Variants in GMCL1 observed in about 807,000 individuals in gnomAD.
GMCL1 encodes the protein germ cell-less 1, spermatogenesis associated, also known as germ cell-less protein-like 1.
In GMCL1, 54 loss-of-function variants were observed where a neutral mutation model predicts 75.5. The ratio of observed to expected loss-of-function variants is 0.71; its 90% CI spans 0.57 to 0.90. The LOEUF (loss-of-function observed/expected upper bound fraction) is 0.90, where lower values mean the gene tolerates loss of function less well. Among genes scored for constraint, GMCL1 ranks in the 40% least tolerant of loss-of-function variants. The pLI, the probability that GMCL1 is intolerant of heterozygous loss-of-function variation, is 0.00. For synonymous variants in GMCL1, 210 were observed against 209.6 expected, an observed-to-expected ratio of 1.00 and a Z score of -0.02; for missense variants, 537 against 622.7, an observed-to-expected ratio of 0.86 and a Z score of 1.47.
Position 69,837,653 on chromosome 2 carries a change from A to G in GMCL1, c.367A>G (p.Lys123Glu). The part of the protein sequence containing the change: ...CALGEEWSLH[K>E]IYLCQSGYFS... The stretch of plus-strand genomic sequence containing the variant: ...TCTAGGAGAAGAATGGAGCTTACAC[A>G]AAATATATTTATGTCAAGTAAGTAT... The change falls in exon 2 of 14, where the codon AAA (lysine) becomes GAA (glutamate). Residue 123 changes from lysine (K) to glutamate (E), a missense_variant. Around this residue, in one of 3 missense-constraint regions of GMCL1, gnomAD observed 48 missense variants for 85.0 expected, o/e 0.56. Transcript: ENST00000282570. 4.4e-6 allele frequency: 7 copies of G among 1,598,120 alleles called. No homozygotes were observed. The highest frequency in any genetic ancestry group is 6.0e-6 in the Non-Finnish European group (7 of 1,175,938).
At chr2:69,839,830 A>G (rs1052271071) in intron 3 of GMCL1, among the ~76,000 whole-genome samples, 1 of 138,342 alleles carries the variant, frequency 7.2e-6, no homozygotes, top group Non-Finnish European at 1.5e-5. Context: ...AAGGAAAAGT[A>G]TGACCATTTT....
intron 9 of GMCL1, among the ~76,000 whole-genome samples, chr2:69,856,699 A>G (rs1279466145): frequency 1.5e-5 from 2 of 134,488 alleles, no homozygotes; most frequent in African/African-American, 2.8e-5. Context: ...TTCCCTCCGT[A>G]GAAGACTTTC....
rs148776259 is a variant in GMCL1, at chr2:69,843,151, C to T, written c.582C>T (p.Asp194=). 670 of 1,589,750 alleles carry T rather than the reference C, an allele frequency of 4.2e-4. 2 individuals are homozygous for T. In the African/African-American group the frequency reaches 7.5e-3, roughly 18 times the overall value. The change falls in exon 5 of 14, where the codon GAC becomes GAT. Residue 194 remains aspartate (D), a splice_region_variant and synonymous_variant. Transcript: ENST00000282570. ...CCAGTGCTTATTTATATTTACAGGA[C>T]GGTTTAATACAGCAGTGTGGTGAGA... ...ILAAACLLQL[D]GLIQQCGETM...
chr2:69,874,156 T>C (rs1024765464), intron 13 of GMCL1, among the ~76,000 whole-genome samples: 1 of 152,130 alleles, frequency 6.6e-6, no homozygotes, highest in African/African-American at 2.4e-5. Context: ...ATGATATTTT[T>C]AAAGCATAAA....
intron 1 of GMCL1, among the ~76,000 whole-genome samples, chr2:69,833,918 A>T (rs1674744505): frequency 6.6e-6 from 1 of 152,238 alleles, no homozygotes; most frequent in Admixed American, 6.5e-5. Context: ...CTAAGTAAAT[A>T]TTGTTTCAGA....
At position 69,846,754 on chromosome 2, in the gene GMCL1, A is replaced by G. The variant is rs565541490; in HGVS notation, c.759-789A>G. On this transcript the variant is annotated intron_variant, in intron 6 of 13. Coordinates refer to ENST00000282570, the MANE Select transcript of GMCL1 (RefSeq NM_178439.5). ...TATTGTCTTGAATAGTACTAAAACCATAGTTTATGACTAAGCAATTCTCTT... is the reference window on the plus strand; with the variant it reads ...TATTGTCTTGAATAGTACTAAAACCGTAGTTTATGACTAAGCAATTCTCTT... 3.9e-5 allele frequency among the ~76,000 whole-genome samples: 6 copies of G among 152,260 alleles called. No individual in the cohort carries two copies. In the South Asian group the frequency reaches 1.2e-3, roughly 32 times the overall value.
chr2:69,878,405 G>T (rs1454474035), intron 13 of GMCL1, among the ~76,000 whole-genome samples: 2 of 152,112 alleles, frequency 1.3e-5, no homozygotes, highest in Middle Eastern at 3.2e-3. Flanking sequence ...AGGCTGAGGC[G>T]GGAGGATGAG....
rs543129564 is a variant in GMCL1, at chr2:69,867,415, A to G, written c.1219-2304A>G. On this transcript the variant is annotated intron_variant, in intron 11 of 13. Transcript: ENST00000282570. ...TATTAATTACTACACCACCTTCAAA[A>G]TCTCCATTTCAGGCATCCCGTTTTC... 2.0e-5 allele frequency among the ~76,000 whole-genome samples: 3 copies of G among 151,480 alleles called. No individual in the cohort carries two copies. In the South Asian group the frequency reaches 6.3e-4, roughly 32 times the overall value.
intron 10 of GMCL1, among the ~76,000 whole-genome samples, chr2:69,863,673 A>G (rs1016073873): frequency 2.0e-5 from 3 of 152,178 alleles, no homozygotes; most frequent in African/African-American, 7.2e-5. Context: ...AAAAAGTTTA[A>G]AAGTTACAGA....
At chr2:69,839,615 T>C in intron 3 of GMCL1, 62 bp downstream of exon 3, 1 of 1,082,942 alleles carries the variant, frequency 9.2e-7, no homozygotes, top group Non-Finnish European at 1.4e-6. Context: ...ATTCTTCTGG[T>C]AGAAGATAAA....
At chr2:69,861,498 C>T in intron 10 of GMCL1, 151 bp downstream of exon 10, 1 of 526,830 alleles carries the variant, frequency 1.9e-6, no homozygotes, top group Non-Finnish European at 3.4e-6. Flanking sequence ...ATTTTTGCAA[C>T]ATTATCAGTC....
intron 1 of GMCL1, among the ~76,000 whole-genome samples, chr2:69,832,041 C>T (rs565388560): frequency 3.9e-5 from 6 of 152,160 alleles, no homozygotes; most frequent in Admixed American, 1.3e-4. Flanking sequence ...GCCAACATGG[C>T]GAAACCCTGT....
intron 11 of GMCL1, among the ~76,000 whole-genome samples, chr2:69,869,189 T>C (rs1269599977): frequency 1.3e-4 from 17 of 132,118 alleles, no homozygotes; most frequent in South Asian, 2.5e-4. Flanking sequence ...GTGGAGGTTG[T>C]GGTGAGCCAA....
rs890983468 is a variant in GMCL1, at chr2:69,847,017, T to C, written c.759-526T>C. Reference sequence around the variant, plus strand: ...TTGGCTAATTTTTTTTTTTTTTTTTTTGGTAGCACGAGGTCTCACCATGTT... The same window carrying C: ...TTGGCTAATTTTTTTTTTTTTTTTTCTGGTAGCACGAGGTCTCACCATGTT... On this transcript the variant is annotated intron_variant, in intron 6 of 13. Coordinates refer to ENST00000282570, the MANE Select transcript of GMCL1 (RefSeq NM_178439.5). Among the ~76,000 whole-genome samples, 4 of 151,530 alleles carry C rather than the reference T, an allele frequency of 2.6e-5. No individual in the cohort carries two copies. In the South Asian group the frequency reaches 6.3e-4, roughly 24 times the overall value.
In GMCL1 at chr2:69,829,683, C is replaced by T. The variant is rs889069722; in HGVS notation, c.-210C>T. The T allele has an allele frequency of 1.8e-6, 1 of 541,978 alleles. No homozygotes were observed. The highest frequency in any genetic ancestry group is 3.2e-6 in the Non-Finnish European group (1 of 316,192). 33.6% of individuals were successfully genotyped at this position (541,978 alleles called of 1,614,324 possible). On this transcript the variant is annotated 5_prime_UTR_variant, in exon 1 of 14. Transcript: ENST00000282570. ...GCGCTTTGTTGCGAAAGCGAGGGGG[C>T]GAGGTGCTGCGGTGCTAGAGCGCGG...
chr2:69,868,157 T>C (rs976952561), intron 11 of GMCL1, among the ~76,000 whole-genome samples: 1 of 152,026 alleles, frequency 6.6e-6, no homozygotes, highest in African/African-American at 2.4e-5. Flanking sequence ...TCCAGCTACT[T>C]GGGAGGCTTA....
intron 9 of GMCL1, among the ~76,000 whole-genome samples, chr2:69,859,760 T>TATATATGGGA (rs1675588972): frequency 1.4e-5 from 1 of 69,412 alleles, no homozygotes; most frequent in Non-Finnish European, 2.7e-5. Context: ...AAAAAAAAAG[T>TATATATGGGA]ATATATGGGA....
chr2:69,861,167 T>C, intron 9 of GMCL1, 111 bp from the exon 10 acceptor site: 2 of 772,404 alleles, frequency 2.6e-6, no homozygotes, highest in Middle Eastern at 3.8e-4. Context: ...TTTAAATTGC[T>C]ATTTTAAACT....
intron 1 of GMCL1, among the ~76,000 whole-genome samples, chr2:69,834,816 A>T (rs1674774908): frequency 6.6e-6 from 1 of 150,994 alleles, no homozygotes; most frequent in Non-Finnish European, 1.5e-5. Context: ...TCTTATCTTT[A>T]TTTTTTCTTT....
Sources: gnomAD v4.1 joint callset for allele counts (sites outside exome capture counted in the v4.1 genomes callset) on GRCh38, gnomAD v4.1.1 for gene constraint, gnomAD v4.1.1 regional missense constraint, MANE v1.5 for transcripts, NCBI Gene and HGNC (gene_info 2026-07-23, HGNC 2026-07-21) for gene names.